Variants in TBC1D22A observed in about 807,000 individuals in gnomAD.
TBC1D22A encodes the protein putative GTPase activator.
A neutral mutation model predicts 60.2 loss-of-function variants in TBC1D22A; 38 were observed. That is an observed-to-expected ratio of 0.63 (90% CI 0.49 to 0.83). The LOEUF (loss-of-function observed/expected upper bound fraction) is 0.83. Ranked by LOEUF, TBC1D22A falls within the 40% of genes least tolerant of loss-of-function variation. The pLI is 0.00. For missense variants in TBC1D22A, 628 were observed against 701.0 expected (o/e 0.90, Z 1.18); for synonymous variants, 302 against 281.7 (o/e 1.07, Z -0.72).
intron 9 of TBC1D22A, 61 bp from the exon 10 acceptor site, chr22:46,997,573 C>T: frequency 1.4e-6 from 2 of 1,402,630 alleles, no homozygotes; most frequent in African/African-American, 1.4e-5. Flanking sequence ...TGCCTTTTTC[C>T]CTTTTGGAAA....
Position 46,985,342 on chromosome 22 carries a change from A to T in TBC1D22A, c.1125+10943A>T, listed in dbSNP as rs143765881. Among the ~76,000 whole-genome samples the T allele has an allele frequency of 9.4e-3, 1,426 of 152,268 alleles. 16 individuals are homozygous for T. The highest frequency in any genetic ancestry group is 0.025 in the African/African-American group (1,034 of 41,544). On this transcript the variant is annotated intron_variant, in intron 9 of 12. Coordinates refer to ENST00000337137, the MANE Select transcript of TBC1D22A (RefSeq NM_014346.5). ...CACACCTGCCCCAGATGCCGGCTCA[A>T]CTGTGCCCCTGTGGGGAAGAATCTC...
At chr22:46,773,908 A>G (rs1159642076) in intron 1 of TBC1D22A, 2 of 984,888 alleles carry the variant, frequency 2.0e-6, no homozygotes, top group African/African-American at 1.7e-5. Context: ...ATAAGTGGCA[A>G]AGCTGGGGTT....
Position 46,891,284 on chromosome 22 carries a change from G to A in TBC1D22A, c.727G>A (p.Val243Ile). Residue 243 changes from valine to isoleucine, a missense_variant, in exon 6 of 13, where the codon GTA becomes ATA. Physicochemically the swap from Val to Ile is conservative, Grantham distance 29 (BLOSUM62 3). Coordinates refer to ENST00000337137, the MANE Select transcript of TBC1D22A (RefSeq NM_014346.5). ...KLLSGYLPAN[V>I]DRRPATLQRK... ...CACCCAGGGTTACCTTCCCGCCAAT[G>A]TAGACCGGAGACCAGCCACTCTCCA... 1.2e-6 allele frequency: 2 copies of A among 1,611,584 alleles called. No individual in the cohort carries two copies. The highest frequency in any genetic ancestry group is 1.7e-6 in the Non-Finnish European group (2 of 1,179,212).
At chr22:47,157,169 A>G (rs916284828) in intron 12 of TBC1D22A, among the ~76,000 whole-genome samples, 1 of 152,190 alleles carries the variant, frequency 6.6e-6, no homozygotes, top group Non-Finnish European at 1.5e-5. Flanking sequence ...CTTTTCACGT[A>G]GGAATTATTT....
At chr22:46,858,583 C>A (rs1300366102) in intron 4 of TBC1D22A, among the ~76,000 whole-genome samples, 1 of 152,212 alleles carries the variant, frequency 6.6e-6, no homozygotes, top group African/African-American at 2.4e-5. Flanking sequence ...TGCAGAGGCG[C>A]CTGCAGGCAT....
rs147282694 is a variant in TBC1D22A, at chr22:47,064,619, G to A, written c.1329+27421G>A. Among the ~76,000 whole-genome samples the A allele has an allele frequency of 7.5e-3, 1,140 of 152,298 alleles. 13 individuals carry two copies. Among genetic ancestry groups the A allele is most frequent in the African/African-American group, 0.027 (1,105 of 41,566 alleles). On this transcript the variant is annotated intron_variant, in intron 11 of 12. Transcript: ENST00000337137. The stretch of plus-strand genomic sequence containing the variant: ...CAGCCGTGCTCAGCACTGCCCCCTC[G>A]TCCTCCTCAGGGCCTGGCAGGGCTC...
chr22:46,824,603 TC>T (rs1267526969), intron 4 of TBC1D22A, among the ~76,000 whole-genome samples: 1 of 152,192 alleles, frequency 6.6e-6, no homozygotes, highest in Non-Finnish European at 1.5e-5. Context: ...CTGGCGCGAT[TC>T]GACTTAGGCT....
chr22:47,041,834 G>T (rs986525059), intron 11 of TBC1D22A, among the ~76,000 whole-genome samples: 2 of 152,242 alleles, frequency 1.3e-5, no homozygotes, highest in Non-Finnish European at 2.9e-5. Flanking sequence ...TGCTGTTGAA[G>T]CACAGAAGCA....
intron 11 of TBC1D22A, among the ~76,000 whole-genome samples, chr22:47,052,113 C>T (rs2063244272): frequency 2.0e-5 from 3 of 152,208 alleles, no homozygotes; most frequent in African/African-American, 7.2e-5. Flanking sequence ...TCCTCTGTCA[C>T]TCTGAACATG....
intron 10 of TBC1D22A, among the ~76,000 whole-genome samples, chr22:47,014,881 C>A (rs975234308): frequency 3.9e-5 from 6 of 152,212 alleles, no homozygotes; most frequent in Non-Finnish European, 7.3e-5. Context: ...CTCTTGATGT[C>A]CTTGGGACAC....
chr22:46,790,796 G>A (rs2084371729), intron 1 of TBC1D22A, among the ~76,000 whole-genome samples: 1 of 152,226 alleles, frequency 6.6e-6, no homozygotes. Context: ...GTGTGGACCA[G>A]TGGCCTTTTT....
In TBC1D22A at chr22:47,068,936, A is replaced by T. The variant is rs960512992; in HGVS notation, c.1329+31738A>T. On this transcript the variant is annotated intron_variant, in intron 11 of 12. Coordinates refer to ENST00000337137, the MANE Select transcript of TBC1D22A (RefSeq NM_014346.5). ...TAGAAATTCAAAAGGTGAAGGCGAG[A>T]ATTAGTTTAATACGTAATTAGACAT... is the stretch of plus-strand genomic sequence containing the variant. Among the ~76,000 whole-genome samples the T allele has an allele frequency of 1.1e-4, 17 of 152,212 alleles. 1 individual carries two copies. Among genetic ancestry groups the T allele is most frequent in the African/African-American group, 4.1e-4 (17 of 41,448 alleles).
intron 4 of TBC1D22A, among the ~76,000 whole-genome samples, chr22:46,814,865 G>A (rs1469298143): frequency 6.7e-6 from 1 of 148,892 alleles, no homozygotes; most frequent in Non-Finnish European, 1.5e-5. Context: ...TGTTGGTCAT[G>A]CTGGTCTCGA....
intron 2 of TBC1D22A, among the ~76,000 whole-genome samples, chr22:46,793,048 T>A (rs2084489670): frequency 6.6e-6 from 1 of 152,234 alleles, no homozygotes; most frequent in African/African-American, 2.4e-5. Context: ...TCACGTGAGG[T>A]GGGGCCGATG....
chr22:46,977,445 GT>G (rs1602762942), intron 9 of TBC1D22A, among the ~76,000 whole-genome samples: 2 of 152,292 alleles, frequency 1.3e-5, no homozygotes, highest in East Asian at 3.9e-4. Flanking sequence ...TCAGAGCCTG[GT>G]GGGATGGAGC....
intron 3 of TBC1D22A, among the ~76,000 whole-genome samples, chr22:46,796,122 G>T (rs1281252038): frequency 3.3e-5 from 5 of 152,198 alleles, no homozygotes; most frequent in African/African-American, 1.2e-4. Context: ...CACTGAGGCT[G>T]GTGGGAGGAG....
At chr22:47,100,738 A>C (rs2065382574) in intron 11 of TBC1D22A, among the ~76,000 whole-genome samples, 1 of 151,876 alleles carries the variant, frequency 6.6e-6, no homozygotes, top group African/African-American at 2.4e-5. Flanking sequence ...ATCCGATTAA[A>C]CCTCTTTCTT....
intron 9 of TBC1D22A, among the ~76,000 whole-genome samples, chr22:46,992,625 T>C (rs932245709): frequency 2.0e-4 from 30 of 152,238 alleles, no homozygotes; most frequent in Non-Finnish European, 4.4e-4. Context: ...ACTCAGGACT[T>C]GATTTTCTGG....
chr22:46,802,622 G>A (rs1185711789), intron 4 of TBC1D22A, among the ~76,000 whole-genome samples: 1 of 152,216 alleles, frequency 6.6e-6, no homozygotes, highest in Non-Finnish European at 1.5e-5. Flanking sequence ...TTCGAGCACA[G>A]CATGAAGCCT....
Sources: allele counts gnomAD v4.1 joint callset (sites outside exome capture counted in the v4.1 genomes callset), GRCh38; gene constraint gnomAD v4.1.1; transcripts MANE v1.5; gene names NCBI Gene and HGNC (gene_info 2026-07-23, HGNC 2026-07-21).